Variants in KIAA0408 observed in about 807,000 individuals in gnomAD.
KIAA0408 encodes the protein uncharacterized protein KIAA0408.
In KIAA0408, 51 loss-of-function variants were observed where a neutral mutation model predicts 60.9. That is an observed-to-expected ratio of 0.84 (90% CI 0.67 to 1.06). The LOEUF (loss-of-function observed/expected upper bound fraction) is 1.06, where lower values mean the gene tolerates loss of function less well. Ranked by LOEUF, KIAA0408 falls within the 50% of genes least tolerant of loss-of-function variation. KIAA0408 has a pLI of 0.00. For missense variants in KIAA0408, 787 were observed against 833.9 expected (o/e 0.94, Z 0.69); for synonymous variants, 304 against 282.4 (o/e 1.08, Z -0.77).
In KIAA0408 at chr6:127,438,820, A is replaced by G. The variant is rs1216506928; in HGVS notation, c.*5289T>C. ...GACTGTAATTTTGAGTGAGGTTTAT[A>G]TTGGAAATTACTGTATGCTTGCTAT... On this transcript the variant is annotated 3_prime_UTR_variant, in exon 6 of 6. Transcript: ENST00000483725. 2 of 152,224 alleles carry G rather than the reference A, an allele frequency of 1.3e-5. No homozygotes were observed. Among genetic ancestry groups the G allele is most frequent in the Non-Finnish European group, 2.9e-5 (2 of 68,036 alleles). The allele number at this position is 152,224 out of a possible 1,614,324, so 9.4% of individuals were successfully genotyped here.
intron 1 of KIAA0408, among the ~76,000 whole-genome samples, chr6:127,455,801 CCT>C (rs1323849474): frequency 1.3e-5 from 2 of 152,102 alleles, no homozygotes; most frequent in African/African-American, 4.8e-5. Flanking sequence ...TTCTCCACCT[CCT>C]CTGTCACCCC....
intron 2 of KIAA0408, among the ~76,000 whole-genome samples, chr6:127,452,166 A>C (rs190617444): frequency 4.7e-4 from 72 of 152,292 alleles, no homozygotes; most frequent in Middle Eastern, 3.4e-3. Context: ...GTCACTGAAG[A>C]TATATGTGCA....
In KIAA0408 at chr6:127,440,153, CAA is replaced by C. The variant is rs1041396610; in HGVS notation, c.*3954_*3955del. The stretch of plus-strand genomic sequence containing the variant: ...TATCATGATTTTATTCCCAATAAAA[CAA>C]AAAATTATTTTCTATGATGAATATG... On this transcript the variant is annotated 3_prime_UTR_variant, in exon 6 of 6. Coordinates refer to ENST00000483725, the MANE Select transcript of KIAA0408 (RefSeq NM_014702.5). The C allele has an allele frequency of 6.6e-6, 1 of 151,942 alleles. No homozygotes were observed. Among genetic ancestry groups the C allele is most frequent in the Admixed American group, 6.6e-5 (1 of 15,246 alleles). The allele number at this position is 151,942 out of a possible 1,614,324, so 9.4% of individuals were successfully genotyped here.
At position 127,453,910 on chromosome 6, in the gene KIAA0408, C is replaced by G; in HGVS notation, c.72G>C (p.Gln24His). 6.2e-7 allele frequency: 1 copy of G among 1,612,982 alleles called. No individual in the cohort carries two copies. The highest frequency in any genetic ancestry group is 1.7e-5 in the Admixed American group (1 of 59,950). ...WHKEKMELLDQFDNERKEWES... is the reference protein window; with the variant it reads ...WHKEKMELLDHFDNERKEWES... The stretch of plus-strand genomic sequence containing the variant: ...CCCATTCCTTTCTTTCATTGTCAAA[C>G]TGGTCCAGTAATTCCATCTTTTCCT... Residue 24 changes from glutamine to histidine, a missense_variant, in exon 2 of 6, where the codon CAG becomes CAC. Gln to His is a conservative substitution (Grantham distance 24). Transcript: ENST00000483725.
chr6:127,454,187 A>G, intron 1 of KIAA0408, 86 bp from the exon 2 acceptor site: 1 of 1,220,836 alleles, frequency 8.2e-7, no homozygotes. Flanking sequence ...ATTGACATAA[A>G]CAAACTATAG....
chr6:127,455,689 GATTA>G (rs1261051636), intron 1 of KIAA0408, among the ~76,000 whole-genome samples: 1 of 152,012 alleles, frequency 6.6e-6, no homozygotes, highest in East Asian at 1.9e-4. Flanking sequence ...GCACTATTAT[GATTA>G]ATTCAGTCAC....
Position 127,446,789 on chromosome 6 carries a change from AT to A in KIAA0408, c.1529del (p.Asp510ValfsTer11). 6.2e-7 allele frequency: 1 copy of A among 1,613,950 alleles called. No homozygotes were observed. Among genetic ancestry groups the A allele is most frequent in the Non-Finnish European group, 8.5e-7 (1 of 1,179,974 alleles). On this transcript the variant is annotated frameshift_variant, in exon 5 of 6. Transcript: ENST00000483725. LOFTEE classifies it high-confidence loss of function. ...HMPVPMENVP[D>X]NPTKKSTTGL... ...CTGTTGTGGATTTCTTGGTGGGATT[AT>A]CAGGCACATTTTCCATGGGCACAGG...
At chr6:127,452,782 A>T (rs1372961739) in intron 2 of KIAA0408, among the ~76,000 whole-genome samples, 2 of 152,088 alleles carry the variant, frequency 1.3e-5, no homozygotes, top group Non-Finnish European at 2.9e-5. Flanking sequence ...TTGTTGATCC[A>T]ATCCGAGTAT....
chr6:127,459,197 TATGG>T lies in KIAA0408; in HGVS notation c.-147_-144del, dbSNP rs2114811380. On this transcript the variant is annotated 5_prime_UTR_variant, in exon 1 of 6. Transcript: ENST00000483725. ...TACCTTTCACACTGGGGAGAAATCC[TATGG>T]ATGCTCGACCACTGGTCAATTAGCA... 1 of 152,358 alleles carries T rather than the reference TATGG, an allele frequency of 6.6e-6. No homozygotes were observed. Among genetic ancestry groups the T allele is most frequent in the Admixed American group, 6.5e-5 (1 of 15,304 alleles). 9.4% of individuals were successfully genotyped at this position (152,358 alleles called of 1,614,324 possible).
intron 4 of KIAA0408, 66 bp downstream of exon 4, chr6:127,449,756 G>A: frequency 6.3e-7 from 1 of 1,596,194 alleles, no homozygotes. Context: ...GCAGTTTGGA[G>A]TCATTAACTA....
chr6:127,458,332 G>A (rs1403330395), intron 1 of KIAA0408, among the ~76,000 whole-genome samples: 3 of 152,144 alleles, frequency 2.0e-5, no homozygotes, highest in African/African-American at 7.2e-5. Flanking sequence ...GATTTTGTTA[G>A]AGTAAAAGGG....
intron 2 of KIAA0408, among the ~76,000 whole-genome samples, chr6:127,453,440 T>A (rs1465341367): frequency 1.3e-5 from 2 of 152,056 alleles, no homozygotes; most frequent in Non-Finnish European, 2.9e-5. Flanking sequence ...ACATTACTCA[T>A]AAATCTTCTT....
intron 5 of KIAA0408, 131 bp downstream of exon 5, chr6:127,446,277 C>T: frequency 7.0e-7 from 1 of 1,438,190 alleles, no homozygotes; most frequent in Non-Finnish European, 9.3e-7. Flanking sequence ...TATTTACAAA[C>T]AGGGTCAAGA....
chr6:127,452,493 A>T (rs191334167), intron 2 of KIAA0408, among the ~76,000 whole-genome samples: 1 of 152,188 alleles, frequency 6.6e-6, no homozygotes, highest in Non-Finnish European at 1.5e-5. Context: ...CTGCTAATTG[A>T]TAAAGCTAAT....
At position 127,443,414 on chromosome 6, in the gene KIAA0408, C is replaced by T. The variant is rs1773137010; in HGVS notation, c.*695G>A. On this transcript the variant is annotated 3_prime_UTR_variant, in exon 6 of 6. Coordinates refer to ENST00000483725, the MANE Select transcript of KIAA0408 (RefSeq NM_014702.5). ...TTATGAACATTTTATGCTTGCTTTA[C>T]AAGGCTGATCTATTAAACTTGTGAC... The T allele has an allele frequency of 6.6e-6, 1 of 152,090 alleles. No individual in the cohort carries two copies. The highest frequency in any genetic ancestry group is 2.4e-5 in the African/African-American group (1 of 41,428). The allele number at this position is 152,090 out of a possible 1,614,324, so 9.4% of individuals were successfully genotyped here. A position where few individuals can be genotyped will look rare whatever the true frequency, so the allele number is the denominator to read the frequency against.
chr6:127,447,234 G>T lies in KIAA0408; in HGVS notation c.1085C>A (p.Ser362Ter). ...SNEDVGLSMW[S>*]CDIGIGAKRS... ...TTTTGCACCTATCCCAATGTCACAT[G>T]ACCACATGCTAAGTCCAACATCTTC... The change falls in exon 5 of 6, where the codon TCA (serine) becomes TAA (stop). Residue 362 changes from serine (S) to a stop codon, truncating the protein, a stop_gained. Transcript: ENST00000483725. LOFTEE classifies it high-confidence loss of function. 1.2e-6 allele frequency: 2 copies of T among 1,613,416 alleles called. No individual in the cohort carries two copies. Among genetic ancestry groups the T allele is most frequent in the South Asian group, 2.2e-5 (2 of 90,916 alleles).
At position 127,447,662 on chromosome 6, in the gene KIAA0408, G is replaced by A. The variant is rs1170545973; in HGVS notation, c.657C>T (p.Asp219=). Residue 219 remains aspartate, a synonymous_variant, in exon 5 of 6, where the codon GAC becomes GAT. Coordinates refer to ENST00000483725, the MANE Select transcript of KIAA0408 (RefSeq NM_014702.5). ...CTAAACTGATTGGAAGAATGCACTG[G>A]TCATTGTTGATCATGGGGTCCCCAT... ...IPHGDPMINN[D]QCILPISLEK... 1 of 1,604,190 alleles carries A rather than the reference G, an allele frequency of 6.2e-7. No individual in the cohort carries two copies. Among genetic ancestry groups the A allele is most frequent in the Admixed American group, 1.7e-5 (1 of 57,886 alleles).
intron 1 of KIAA0408, among the ~76,000 whole-genome samples, chr6:127,458,768 C>A (rs1490635377): frequency 6.6e-6 from 1 of 152,150 alleles, no homozygotes; most frequent in Non-Finnish European, 1.5e-5. Context: ...AATACCAAGT[C>A]TCCAGGATTG....
In KIAA0408 at chr6:127,447,574, T is replaced by TG; in HGVS notation, c.744_745insC (p.Thr249HisfsTer7). Reference sequence around the variant, plus strand: ...ATTGTATCAATTCCACATTTTTTCGTAGAATTGCTCTGGAGCACATTGGTA... The same window carrying TG: ...ATTGTATCAATTCCACATTTTTTCGTGAGAATTGCTCTGGAGCACATTGGTA... On this transcript the variant is annotated frameshift_variant, in exon 5 of 6. Transcript: ENST00000483725. LOFTEE classifies it high-confidence loss of function. 4.3e-6 allele frequency: 7 copies of TG among 1,611,464 alleles called. No homozygotes were observed. The highest frequency in any genetic ancestry group is 5.1e-6 in the Non-Finnish European group (6 of 1,179,302).
Sources: gnomAD v4.1 joint callset for allele counts (sites outside exome capture counted in the v4.1 genomes callset) on GRCh38, gnomAD v4.1.1 for gene constraint, MANE v1.5 for transcripts, NCBI Gene and HGNC (gene_info 2026-07-23, HGNC 2026-07-21) for gene names.